The following ATP6V1C1 variants were observed in gnomAD, a reference collection of about 807,000 sequenced individuals.
ATP6V1C1 encodes the protein V-type proton ATPase subunit C 1.
ATP6V1C1 carries 45 observed loss-of-function variants against 53.9 expected under a neutral mutation model. The ratio of observed to expected loss-of-function variants is 0.83; its 90% confidence interval spans 0.66 to 1.07. The LOEUF (loss-of-function observed/expected upper bound fraction) is 1.07, where lower values mean the gene tolerates loss of function less well. Ranked by LOEUF, ATP6V1C1 falls within the 50% of genes least tolerant of loss-of-function variation. ATP6V1C1 has a pLI of 0.00. For synonymous variants in ATP6V1C1, 153 were observed against 155.2 expected, an observed-to-expected ratio of 0.99 and a Z score of 0.11; for missense variants, 315 against 440.3, an observed-to-expected ratio of 0.72 and a Z score of 2.55.
chr8:103,027,024 TTACTTTTTA>T (rs1325535165), intron 1 of ATP6V1C1, among the ~76,000 whole-genome samples: 1 of 152,224 alleles, frequency 6.6e-6, no homozygotes, highest in African/African-American at 2.4e-5. Context: ...GCAGTTATTT[TTACTTTTTA>T]TATGTATGGT....
At chr8:103,062,870 C>T in intron 8 of ATP6V1C1, 85 bp from the exon 9 acceptor site, 1 of 1,202,734 alleles carries the variant, frequency 8.3e-7, no homozygotes, top group Non-Finnish European at 1.2e-6. Flanking sequence ...CTACTTTTCT[C>T]TTCCACCTGT....
At chr8:103,049,045 A>G (rs550991244) in intron 4 of ATP6V1C1, 90 bp downstream of exon 4, 7 of 1,194,592 alleles carry the variant, frequency 5.9e-6, no homozygotes, top group African/African-American at 3.1e-5. Flanking sequence ...AAAAGTCTAC[A>G]GAAAAGGACA....
At chr8:103,043,504 T>C (rs1329647121) in intron 3 of ATP6V1C1, among the ~76,000 whole-genome samples, 1 of 148,270 alleles carries the variant, frequency 6.7e-6, no homozygotes, top group Admixed American at 6.7e-5. Flanking sequence ...TTTTTTTTTT[T>C]GTATTTTTAG....
intron 3 of ATP6V1C1, among the ~76,000 whole-genome samples, chr8:103,047,430 G>GCGCGCACACACACA (rs1491170438): frequency 1.1e-4 from 12 of 104,950 alleles, no homozygotes; most frequent in African/African-American, 3.8e-4. Context: ...AAATGCGCGC[G>GCGCGCACACACACA]CACACACACA....
intron 4 of ATP6V1C1, among the ~76,000 whole-genome samples, 164 bp downstream of exon 4, chr8:103,049,119 T>C (rs568758376): frequency 1.1e-4 from 16 of 152,232 alleles, no homozygotes; most frequent in Non-Finnish European, 2.2e-4. Context: ...TACTTCCAGG[T>C]ACATCCTGTT....
At chr8:103,046,980 A>G (rs907368418) in intron 3 of ATP6V1C1, among the ~76,000 whole-genome samples, 6 of 152,136 alleles carry the variant, frequency 3.9e-5, no homozygotes, top group African/African-American at 9.7e-5. Flanking sequence ...AACATGCAAC[A>G]TTTTAGAATG....
At chr8:103,037,114 A>C (rs1235382428) in intron 1 of ATP6V1C1, among the ~76,000 whole-genome samples, 1 of 152,194 alleles carries the variant, frequency 6.6e-6, no homozygotes, top group East Asian at 1.9e-4. Flanking sequence ...GCAACCGGCG[A>C]TAGGTGGTGA....
intron 2 of ATP6V1C1, among the ~76,000 whole-genome samples, chr8:103,042,074 C>T (rs1489216655): frequency 1.3e-5 from 2 of 152,106 alleles, no homozygotes; most frequent in Non-Finnish European, 2.9e-5. Flanking sequence ...TCAAATGATC[C>T]AGTGTCATTG....
At chr8:103,064,862 T>TA (rs755973583) in intron 11 of ATP6V1C1, 51 bp downstream of exon 11, 20 of 1,512,328 alleles carry the variant, frequency 1.3e-5, no homozygotes, top group Non-Finnish European at 1.8e-5. Flanking sequence ...ATAGATTCCT[T>TA]ACATTGGACC....
At chr8:103,048,366 T>C (rs1817142207) in intron 3 of ATP6V1C1, among the ~76,000 whole-genome samples, 1 of 152,226 alleles carries the variant, frequency 6.6e-6, no homozygotes, top group Non-Finnish European at 1.5e-5. Flanking sequence ...TAGTAGATGC[T>C]CAATAAACAG....
intron 2 of ATP6V1C1, among the ~76,000 whole-genome samples, chr8:103,041,637 T>G (rs1435917241): frequency 6.6e-6 from 1 of 152,136 alleles, no homozygotes; most frequent in African/African-American, 2.4e-5. Flanking sequence ...TTTGGGAGGC[T>G]GAGGTGGGCG....
intron 1 of ATP6V1C1, among the ~76,000 whole-genome samples, chr8:103,026,862 G>A (rs145393638): frequency 3.3e-5 from 5 of 152,224 alleles, no homozygotes; most frequent in South Asian, 2.1e-4. Context: ...ATCTCATTTC[G>A]TATGAATCAT....
At chr8:103,029,047 A>G (rs1816746266) in intron 1 of ATP6V1C1, among the ~76,000 whole-genome samples, 1 of 152,168 alleles carries the variant, frequency 6.6e-6, no homozygotes, top group Non-Finnish European at 1.5e-5. Flanking sequence ...ATATACAGAA[A>G]GGATGAAAAC....
At chr8:103,029,350 A>C (rs1458963685) in intron 1 of ATP6V1C1, among the ~76,000 whole-genome samples, 1 of 150,450 alleles carries the variant, frequency 6.6e-6, no homozygotes, top group African/African-American at 2.5e-5. Context: ...GCTCACTGCA[A>C]CCTCTGCCTC....
At chr8:103,051,228 AG>A (rs1817194563) in intron 5 of ATP6V1C1, 84 bp downstream of exon 5, 1 of 1,043,976 alleles carries the variant, frequency 9.6e-7, no homozygotes. Context: ...AATACTTTTT[AG>A]GTTTTGATAA....
rs146746893 is a variant in ATP6V1C1, at chr8:103,063,026, G to A, written c.713G>A (p.Arg238Lys). 9.3e-6 allele frequency: 15 copies of A among 1,613,672 alleles called. No homozygotes were observed. The African/African-American group carries it at 2.0e-4, about 22-fold the overall frequency. ...TLFRKAVDDF[R>K]HKARENKFIV... Reference sequence around the variant, plus strand: ...TTTAGGAAGGCAGTTGATGACTTCAGACACAAAGCCAGAGAAAACAAGTAA... The same window carrying A: ...TTTAGGAAGGCAGTTGATGACTTCAAACACAAAGCCAGAGAAAACAAGTAA... Residue 238 changes from arginine to lysine, a missense_variant, in exon 9 of 13, where the codon AGA becomes AAA. Coordinates refer to ENST00000518738, the MANE Select transcript of ATP6V1C1 (RefSeq NM_001695.5).
intron 8 of ATP6V1C1, among the ~76,000 whole-genome samples, chr8:103,058,184 G>C (rs1344194722): frequency 1.3e-5 from 2 of 152,170 alleles, no homozygotes; most frequent in South Asian, 4.1e-4. Flanking sequence ...GTAGTTTAAA[G>C]GGCAAATTTC....
chr8:103,038,737 A>G (rs1374255742), intron 1 of ATP6V1C1, among the ~76,000 whole-genome samples: 1 of 152,232 alleles, frequency 6.6e-6, no homozygotes, highest in Non-Finnish European at 1.5e-5. Context: ...AAAGAATATG[A>G]TAGTATAATA....
In ATP6V1C1 at chr8:103,072,180, T is replaced by C. The variant is rs1308637688; in HGVS notation, c.*3433T>C. 6.6e-6 allele frequency: 1 copy of C among 152,254 alleles called. No individual in the cohort carries two copies. The highest frequency in any genetic ancestry group is 1.9e-4 in the East Asian group (1 of 5,202). 9.4% of individuals were successfully genotyped at this position (152,254 alleles called of 1,614,324 possible). ...GTGGAACATATTCCAGCTTTTTGAA[T>C]GAGTGCATATCCAGTAGTACCTTTA... is the stretch of plus-strand genomic sequence containing the variant. On this transcript the variant is annotated 3_prime_UTR_variant, in exon 13 of 13. Coordinates refer to ENST00000518738, the MANE Select transcript of ATP6V1C1 (RefSeq NM_001695.5).
Sources: gnomAD v4.1 joint callset for allele counts (sites outside exome capture counted in the v4.1 genomes callset) on GRCh38, gnomAD v4.1.1 for gene constraint, MANE v1.5 for transcripts, NCBI Gene and HGNC (gene_info 2026-07-23, HGNC 2026-07-21) for gene names.